The following NDST4 variants were observed in gnomAD, a reference collection of about 807,000 sequenced individuals.
NDST4 encodes the protein N-deacetylase and N-sulfotransferase 4.
Under a neutral mutation model 100.8 loss-of-function variants are expected in NDST4, and 63 were observed. That is an observed-to-expected ratio of 0.62 (90% CI 0.51 to 0.77). The LOEUF is 0.77. Ranked by LOEUF, NDST4 falls within the 30% of genes least tolerant of loss-of-function variation. NDST4 has a pLI of 0.00. For missense variants in NDST4, 943 were observed against 1,018.4 expected (o/e 0.93, Z 1.01); for synonymous variants, 377 against 361.8 (o/e 1.04, Z -0.48).
At chr4:114,856,652 T>G (rs930126822) in intron 7 of NDST4, among the ~76,000 whole-genome samples, 1 of 152,178 alleles carries the variant, frequency 6.6e-6, no homozygotes, top group Non-Finnish European at 1.5e-5. Flanking sequence ...TTCTTCCCAG[T>G]GTTATTATAT....
intron 6 of NDST4, among the ~76,000 whole-genome samples, chr4:114,900,216 C>G (rs762267066): frequency 6.6e-6 from 1 of 150,562 alleles, no homozygotes; most frequent in Non-Finnish European, 1.5e-5. Flanking sequence ...TTTGAATCCT[C>G]TCTTTTTTTT....
At chr4:114,988,953 T>C (rs1726976237) in intron 2 of NDST4, among the ~76,000 whole-genome samples, 1 of 152,222 alleles carries the variant, frequency 6.6e-6, no homozygotes, top group South Asian at 2.1e-4. Context: ...TGGATTTTTC[T>C]TTACTTGGCA....
intron 4 of NDST4, among the ~76,000 whole-genome samples, chr4:114,939,162 T>C (rs1175949075): frequency 6.6e-6 from 1 of 152,216 alleles, no homozygotes; most frequent in Non-Finnish European, 1.5e-5. Context: ...ACAAAGTGTT[T>C]TGAGGATAAG....
At chr4:114,888,887 A>T (rs964551519) in intron 6 of NDST4, among the ~76,000 whole-genome samples, 1 of 151,572 alleles carries the variant, frequency 6.6e-6, no homozygotes, top group Non-Finnish European at 1.5e-5. Flanking sequence ...TTTTTTTCTT[A>T]TTTCACTTTT....
rs151017920 is a variant in NDST4 at position 114,954,885 on chromosome 4, C to T, written c.1221+15545G>A. 2.4e-3 allele frequency among the ~76,000 whole-genome samples: 360 copies of T among 152,166 alleles called. 3 individuals are homozygous for T. Among genetic ancestry groups the T allele is most frequent in the African/African-American group, 8.0e-3 (334 of 41,516 alleles). On this transcript the variant is annotated intron_variant, in intron 4 of 13. Transcript: ENST00000264363. ...TTCTCTGCAAATCTGGTTGTTCGAA[C>T]ATGTGTAGCCCCTCCCACATCCTTG...
chr4:115,018,768 T>A (rs1018745111), intron 2 of NDST4, among the ~76,000 whole-genome samples: 5 of 152,046 alleles, frequency 3.3e-5, no homozygotes, highest in Non-Finnish European at 5.9e-5. Context: ...ACTTATAAAA[T>A]TATTATTAGA....
At chr4:114,973,822 A>G (rs1169154154) in intron 3 of NDST4, among the ~76,000 whole-genome samples, 2 of 151,826 alleles carry the variant, frequency 1.3e-5, no homozygotes, top group African/African-American at 4.8e-5. Context: ...ATAAAATATA[A>G]TTTCTAAATG....
At chr4:114,929,022 A>C (rs116104863) in intron 6 of NDST4, among the ~76,000 whole-genome samples, 2 of 139,850 alleles carry the variant, frequency 1.4e-5, no homozygotes. Flanking sequence ...ATCCCTATCT[A>C]TCTGTCTGTC....
intron 2 of NDST4, among the ~76,000 whole-genome samples, chr4:115,045,284 A>G (rs1457070518): frequency 6.6e-6 from 1 of 152,176 alleles, no homozygotes; most frequent in Admixed American, 6.5e-5. Flanking sequence ...GCCAATCTTT[A>G]TATAGGTTTT....
chr4:115,077,902 G>A (rs1009572979), intron 1 of NDST4, among the ~76,000 whole-genome samples: 8 of 152,082 alleles, frequency 5.3e-5, no homozygotes, highest in South Asian at 2.1e-4. Flanking sequence ...CTCAGATCTC[G>A]CTAATGAAAC....
chr4:115,020,821 C>T (rs1340356867), intron 2 of NDST4, among the ~76,000 whole-genome samples: 1 of 151,968 alleles, frequency 6.6e-6, no homozygotes, highest in Non-Finnish European at 1.5e-5. Flanking sequence ...ATGCTCATCT[C>T]CACTAATGAT....
At chr4:114,864,565 G>A (rs565307883) in intron 7 of NDST4, among the ~76,000 whole-genome samples, 1 of 152,176 alleles carries the variant, frequency 6.6e-6, no homozygotes, top group South Asian at 2.1e-4. Flanking sequence ...ATAGATTAAG[G>A]GTGTTTATTC....
chr4:114,980,901 A>C (rs937773369), intron 2 of NDST4, among the ~76,000 whole-genome samples: 2 of 152,098 alleles, frequency 1.3e-5, no homozygotes, highest in African/African-American at 4.8e-5. Context: ...TCTCCTAATA[A>C]ATTTCTTAGT....
At chr4:114,886,555 A>C (rs976677924) in intron 6 of NDST4, among the ~76,000 whole-genome samples, 4 of 152,154 alleles carry the variant, frequency 2.6e-5, no homozygotes, top group Admixed American at 6.6e-5. Flanking sequence ...TTTAAAGCTA[A>C]TATAACAAAA....
chr4:115,112,077 TCA>T lies in NDST4; in HGVS notation c.-247+1365_-247+1366del, dbSNP rs376921280. ...TATATTCTTTACATAAACTTGCTAC[TCA>T]CACACACACACACACGCACACACTC... is the stretch of plus-strand genomic sequence containing the variant. On this transcript the variant is annotated intron_variant, in intron 1 of 13. Coordinates refer to ENST00000264363, the MANE Select transcript of NDST4 (RefSeq NM_022569.3). Among the ~76,000 whole-genome samples, 738 of 148,488 alleles carry T rather than the reference TCA, an allele frequency of 5.0e-3. 4 individuals are homozygous for T. The highest frequency in any genetic ancestry group is 8.4e-3 in the Non-Finnish European group (559 of 66,758).
chr4:115,063,885 A>G (rs1007542418), intron 2 of NDST4, among the ~76,000 whole-genome samples: 2 of 151,772 alleles, frequency 1.3e-5, no homozygotes, highest in African/African-American at 2.4e-5. Context: ...TTTTCCTCAC[A>G]TAGACAATTG....
intron 10 of NDST4, among the ~76,000 whole-genome samples, chr4:114,843,640 T>C (rs1333124319): frequency 2.0e-5 from 3 of 152,200 alleles, no homozygotes; most frequent in Non-Finnish European, 2.9e-5. Context: ...CTTTGCCTAA[T>C]GGTTTGATTT....
Position 114,875,704 on chromosome 4 carries a change from G to A in NDST4, c.1537-4754C>T, listed in dbSNP as rs116282484. On this transcript the variant is annotated intron_variant, in intron 6 of 13. Transcript: ENST00000264363. ...TAACATTTTGTGTTTGACTTATGAA[G>A]CTGCTAATATCCAAAATATAAGAAG... 6.3e-3 allele frequency among the ~76,000 whole-genome samples: 955 copies of A among 152,144 alleles called. 5 individuals are homozygous for A. Among genetic ancestry groups the A allele is most frequent in the African/African-American group, 0.022 (905 of 41,510 alleles).
intron 1 of NDST4, among the ~76,000 whole-genome samples, chr4:115,092,341 G>A (rs952003086): frequency 6.6e-6 from 1 of 152,166 alleles, no homozygotes; most frequent in Admixed American, 6.5e-5. Flanking sequence ...TGACTTGGCT[G>A]TGAGGGAGGC....
Sources: gnomAD v4.1 joint callset for allele counts (sites outside exome capture counted in the v4.1 genomes callset) on GRCh38, gnomAD v4.1.1 for gene constraint, MANE v1.5 for transcripts, NCBI Gene and HGNC (gene_info 2026-07-23, HGNC 2026-07-21) for gene names.